ZNF18: variants seen among roughly 807,000 people sequenced by gnomAD.
The protein encoded by ZNF18 is heart development-specific gene 1 protein.
Under a neutral mutation model 58.1 loss-of-function variants are expected in ZNF18, and 42 were observed. The ratio of observed to expected loss-of-function variants is 0.72; its 90% CI spans 0.56 to 0.93. The LOEUF (loss-of-function observed/expected upper bound fraction) is 0.93, where lower values mean the gene tolerates loss of function less well. Among genes scored for constraint, ZNF18 ranks in the 40% least tolerant of loss-of-function variants. ZNF18 has a pLI of 0.00. For synonymous variants in ZNF18, 231 were observed against 239.8 expected (o/e 0.96, Z 0.34); for missense variants, 540 against 644.2 (o/e 0.84, Z 1.75).
At chr17:11,993,877 A>G (rs1028100016) in intron 1 of ZNF18, among the ~76,000 whole-genome samples, 1 of 149,864 alleles carries the variant, frequency 6.7e-6, no homozygotes, top group Admixed American at 6.7e-5. Context: ...ACTACCTTGA[A>G]AATACTCCTA....
the ZNF18 span, among the ~76,000 whole-genome samples, chr17:12,009,455 T>C: frequency 6.6e-6 from 1 of 151,312 alleles, no homozygotes; most frequent in Non-Finnish European, 1.5e-5. Flanking sequence ...TTTTTTTTTT[T>C]TCTTTTTCTT....
chr17:11,995,268 G>GTGT (rs1968396119), intron 1 of ZNF18, among the ~76,000 whole-genome samples: 1 of 29,168 alleles, frequency 3.4e-5, no homozygotes, highest in Non-Finnish European at 1.6e-3. Context: ...AATTAACCGG[G>GTGT]CGTGGTGGTG....
chr17:11,994,321 G>A (rs980106877), intron 1 of ZNF18, among the ~76,000 whole-genome samples: 2 of 151,602 alleles, frequency 1.3e-5, no homozygotes, highest in Non-Finnish European at 2.9e-5. Flanking sequence ...TTTTTCAAGG[G>A]CCTGAGAAAG....
chr17:11,990,291 A>G lies in ZNF18; in HGVS notation c.666+171T>C, dbSNP rs1374977237. Among the ~76,000 whole-genome samples, 6 of 152,192 alleles carry G rather than the reference A, an allele frequency of 3.9e-5. No individual in the cohort carries two copies. In the East Asian group the frequency reaches 1.2e-3, roughly 29 times the overall value. On this transcript the variant is annotated intron_variant, in intron 4 of 6. Transcript: ENST00000580306. ...TGCATAAGAACAAAGATAAGAGTAC[A>G]TTTGGCATGATTCTATTTTTACAAA...
At chr17:12,018,455 T>C in the ZNF18 span, among the ~76,000 whole-genome samples, 12 of 152,194 alleles carry the variant, frequency 7.9e-5, no homozygotes, top group African/African-American at 2.9e-4. Context: ...GCTCTGTGTG[T>C]CTGCATCCTA....
At chr17:11,984,729 G>A (rs575574721) in intron 4 of ZNF18, among the ~76,000 whole-genome samples, 3 of 151,992 alleles carry the variant, frequency 2.0e-5, no homozygotes, top group South Asian at 2.1e-4. Context: ...GGATGGTCTC[G>A]ATCTCCTGAC....
At chr17:11,998,086 C>G (rs1018640563), upstream of ZNF18, among the ~76,000 whole-genome samples, 20 of 152,100 alleles carry the variant, frequency 1.3e-4, no homozygotes, top group African/African-American at 4.8e-4. Flanking sequence ...AATGTCATCC[C>G]TGACTCTTCC....
chr17:12,000,255 T>C (rs1255206324), upstream of ZNF18, among the ~76,000 whole-genome samples: 1 of 151,756 alleles, frequency 6.6e-6, no homozygotes, highest in Non-Finnish European at 1.5e-5. Flanking sequence ...TGAGTGACAA[T>C]AAAGAGAAGC....
Position 11,991,091 on chromosome 17 carries a change from C to A in ZNF18, c.460G>T (p.Val154Leu). ...MESPSCQVGEVEPHLEVVPQE... is the reference protein window; with the variant it reads ...MESPSCQVGELEPHLEVVPQE... ...GGCACCACTTCAAGATGGGGCTCCA[C>A]TTCCCCCACTTGGCAGCTTGGAGAT... The change falls in exon 3 of 7, where the codon GTG becomes TTG. Residue 154 changes from valine to leucine, a missense_variant. By Grantham distance (32) the Val-to-Leu change is conservative (BLOSUM62 1). Coordinates refer to ENST00000580306, the MANE Select transcript of ZNF18 (RefSeq NM_001303281.2). 6.2e-7 allele frequency: 1 copy of A among 1,614,224 alleles called. No homozygotes were observed. Among genetic ancestry groups the A allele is most frequent in the East Asian group, 2.2e-5 (1 of 44,876 alleles).
At chr17:12,008,966 T>C in the ZNF18 span, among the ~76,000 whole-genome samples, 3 of 152,196 alleles carry the variant, frequency 2.0e-5, no homozygotes, top group African/African-American at 7.2e-5. Context: ...ATTCGGAGCA[T>C]AGCATTTACA....
chr17:12,016,721 A>G, the ZNF18 span, among the ~76,000 whole-genome samples: 1 of 151,992 alleles, frequency 6.6e-6, no homozygotes, highest in Admixed American at 6.6e-5. Context: ...AGAATCCTAT[A>G]CTTCCGTAAT....
intron 1 of ZNF18, chr17:11,995,744 T>C (rs766054375): frequency 6.6e-6 from 1 of 150,824 alleles, no homozygotes; most frequent in Non-Finnish European, 1.5e-5. Flanking sequence ...ACCGACTTGC[T>C]CTAATTGACA....
upstream of ZNF18, among the ~76,000 whole-genome samples, chr17:12,000,721 A>C (rs959088308): frequency 2.6e-5 from 4 of 152,190 alleles, no homozygotes; most frequent in African/African-American, 9.7e-5. Flanking sequence ...TGTCAGAAAG[A>C]AAGAAAGGAA....
intron 4 of ZNF18, among the ~76,000 whole-genome samples, chr17:11,987,898 A>G (rs1158667294): frequency 6.6e-6 from 1 of 152,162 alleles, no homozygotes; most frequent in Admixed American, 6.5e-5. Flanking sequence ...TAGTTTTTAT[A>G]TATCTGAGCC....
chr17:12,019,177 T>G, the ZNF18 span, among the ~76,000 whole-genome samples: 3 of 152,042 alleles, frequency 2.0e-5, no homozygotes, highest in Non-Finnish European at 4.4e-5. Flanking sequence ...TTGGCCAGGC[T>G]GGTCACTAAC....
chr17:11,991,350 T>C (rs1447481134), intron 2 of ZNF18, among the ~76,000 whole-genome samples, 187 bp from the exon 3 acceptor site: 7 of 152,208 alleles, frequency 4.6e-5, no homozygotes, highest in African/African-American at 7.2e-5. Context: ...CACCAAAAGC[T>C]GAGGCCCGAA....
At chr17:11,994,943 A>G (rs945966436) in intron 1 of ZNF18, among the ~76,000 whole-genome samples, 16 of 152,216 alleles carry the variant, frequency 1.1e-4, no homozygotes, top group Non-Finnish European at 7.3e-5. Flanking sequence ...TCATCTTCAC[A>G]CTGAGTAGCC....
At chr17:12,011,833 T>C in the ZNF18 span, among the ~76,000 whole-genome samples, 2 of 151,408 alleles carry the variant, frequency 1.3e-5, no homozygotes, top group African/African-American at 2.4e-5. Flanking sequence ...CCTGAGTAGC[T>C]GGGATTACAG....
chr17:11,979,991 T>C (rs1296039309), intron 6 of ZNF18, among the ~76,000 whole-genome samples: 1 of 152,240 alleles, frequency 6.6e-6, no homozygotes, highest in Non-Finnish European at 1.5e-5. Context: ...CAAATAATGC[T>C]GTGATCAGCA....
Sources: gnomAD v4.1 joint callset for allele counts (sites outside exome capture counted in the v4.1 genomes callset) on GRCh38, gnomAD v4.1.1 for gene constraint, MANE v1.5 for transcripts, NCBI Gene and HGNC (gene_info 2026-07-23, HGNC 2026-07-21) for gene names.